Variants in TOX3 observed in about 807,000 individuals in gnomAD.
TOX3 encodes the protein TOX high mobility group box family member 3.
A neutral mutation model predicts 64.3 loss-of-function variants in TOX3; 22 were observed. The observed-to-expected ratio is 0.34, with a 90% CI of 0.24 to 0.49. The LOEUF (loss-of-function observed/expected upper bound fraction) is 0.49. Among genes scored for constraint, TOX3 ranks in the 20% least tolerant of loss-of-function variants. TOX3 has a pLI of 0.99. For missense variants in TOX3, 661 were observed against 714.4 expected (o/e 0.93, Z 0.85); for synonymous variants, 291 against 273.6 (o/e 1.06, Z -0.63).
intron 3 of TOX3, among the ~76,000 whole-genome samples, chr16:52,459,702 C>A (rs569129147): frequency 1.3e-5 from 2 of 152,184 alleles, no homozygotes; most frequent in Admixed American, 6.5e-5. Context: ...ATAGAATGTT[C>A]CATGCATTAA....
At chr16:52,470,021 A>C (rs2151760281) in intron 1 of TOX3, among the ~76,000 whole-genome samples, 1 of 152,346 alleles carries the variant, frequency 6.6e-6, no homozygotes, top group South Asian at 2.1e-4. Flanking sequence ...TATCTTTATA[A>C]GGATTTCTGA....
chr16:52,545,397 T>C (rs1270483262), intron 1 of TOX3, among the ~76,000 whole-genome samples: 1 of 152,132 alleles, frequency 6.6e-6, no homozygotes. Flanking sequence ...TTTTACAAAC[T>C]TCAGCACTAG....
intron 6 of TOX3, among the ~76,000 whole-genome samples, chr16:52,443,831 T>C (rs1396916093): frequency 6.6e-6 from 1 of 152,144 alleles, no homozygotes. Context: ...ATGAGGTTTA[T>C]TTATTTATAT....
intron 1 of TOX3, among the ~76,000 whole-genome samples, chr16:52,533,382 G>A (rs572354606): frequency 4.0e-4 from 61 of 152,300 alleles, no homozygotes; most frequent in African/African-American, 1.3e-3. Flanking sequence ...AGCATTTAAT[G>A]ACATCTTGAG....
At chr16:52,484,286 C>A (rs1961449305) in intron 1 of TOX3, among the ~76,000 whole-genome samples, 1 of 152,058 alleles carries the variant, frequency 6.6e-6, no homozygotes, top group Admixed American at 6.6e-5. Context: ...AATTCTGAAG[C>A]AGTTTGAATG....
chr16:52,535,879 G>A (rs927402483), intron 1 of TOX3, among the ~76,000 whole-genome samples: 5 of 152,160 alleles, frequency 3.3e-5, no homozygotes, highest in African/African-American at 1.2e-4. Context: ...AAAATAAAAT[G>A]TAAACTTAAA....
chr16:52,541,675 A>G (rs919165095), intron 1 of TOX3, among the ~76,000 whole-genome samples: 1 of 152,230 alleles, frequency 6.6e-6, no homozygotes, highest in Non-Finnish European at 1.5e-5. Flanking sequence ...ATATCGACAC[A>G]TACTTTGAAA....
intron 1 of TOX3, among the ~76,000 whole-genome samples, chr16:52,531,762 C>G (rs1263064517): frequency 6.6e-6 from 1 of 152,012 alleles, no homozygotes; most frequent in Non-Finnish European, 1.5e-5. Flanking sequence ...TCTAAGCTAT[C>G]CTTTAGAAGA....
intron 1 of TOX3, among the ~76,000 whole-genome samples, chr16:52,539,324 T>A (rs1963026983): frequency 6.6e-6 from 1 of 151,982 alleles, no homozygotes; most frequent in South Asian, 2.1e-4. Context: ...TTGTTTTTAA[T>A]GGTGCAGTAG....
chr16:52,465,306 G>C (rs1304050105), intron 2 of TOX3, among the ~76,000 whole-genome samples: 1 of 151,702 alleles, frequency 6.6e-6, no homozygotes, highest in African/African-American at 2.4e-5. Context: ...GAGCCACCGT[G>C]CCCAGCCAAT....
intron 1 of TOX3, among the ~76,000 whole-genome samples, chr16:52,537,913 A>G (rs1301678422): frequency 1.3e-5 from 2 of 150,422 alleles, no homozygotes; most frequent in Non-Finnish European, 2.9e-5. Flanking sequence ...AAGAAAAAGA[A>G]AAAAACAGAT....
chr16:52,521,487 C>A (rs1962607586), intron 1 of TOX3, among the ~76,000 whole-genome samples: 1 of 152,140 alleles, frequency 6.6e-6, no homozygotes, highest in Non-Finnish European at 1.5e-5. Context: ...CACAGGGGTC[C>A]AGGAAGTGCT....
chr16:52,511,977 T>C (rs898038799), intron 1 of TOX3, among the ~76,000 whole-genome samples: 3 of 152,154 alleles, frequency 2.0e-5, no homozygotes, highest in Non-Finnish European at 4.4e-5. Context: ...GAACTTGGAA[T>C]CAGAAATTCC....
At chr16:52,495,309 T>A (rs1167079946) in intron 1 of TOX3, among the ~76,000 whole-genome samples, 6 of 152,236 alleles carry the variant, frequency 3.9e-5, no homozygotes, top group African/African-American at 1.4e-4. Context: ...AAAATTAAAT[T>A]CATTTCGTCC....
intron 1 of TOX3, among the ~76,000 whole-genome samples, chr16:52,507,910 G>T (rs928758491): frequency 2.0e-5 from 3 of 152,152 alleles, no homozygotes; most frequent in Admixed American, 6.5e-5. Flanking sequence ...TCCCAGGAAG[G>T]AGTGAAGGTA....
At chr16:52,540,255 ACACACCTGTGGTCCCAGC>A (rs1371546404) in intron 1 of TOX3, among the ~76,000 whole-genome samples, 1 of 150,898 alleles carries the variant, frequency 6.6e-6, no homozygotes, top group East Asian at 2.0e-4. Context: ...CATAGCGAAC[ACACACCTGTGGTCCCAGC>A]TACTCAGGAG....
In TOX3 at chr16:52,546,945, G is replaced by A; in HGVS notation, c.-222C>T. ...GCCGCGGGAGAGCGGGAGGCGGCCG[G>A]GGGGACGCGCCCCGCCGGGGCACCG... On this transcript the variant is annotated 5_prime_UTR_variant, in exon 1 of 7. Transcript: ENST00000219746. 3.0e-6 allele frequency: 3 copies of A among 996,474 alleles called. No individual in the cohort carries two copies. The highest frequency in any genetic ancestry group is 3.6e-6 in the Non-Finnish European group (3 of 838,756). 61.7% of individuals were successfully genotyped at this position (996,474 alleles called of 1,614,324 possible).
intron 1 of TOX3, among the ~76,000 whole-genome samples, chr16:52,471,818 C>A (rs993927238): frequency 6.6e-6 from 1 of 152,160 alleles, no homozygotes; most frequent in African/African-American, 2.4e-5. Flanking sequence ...TCCCAACACC[C>A]AGTAAGATAA....
chr16:52,501,746 G>A (rs1277261540), intron 1 of TOX3, among the ~76,000 whole-genome samples: 1 of 151,638 alleles, frequency 6.6e-6, no homozygotes, highest in East Asian at 1.9e-4. Context: ...CACTCCCTGA[G>A]CTATGTGGAT....
Sources: gnomAD v4.1 joint callset for allele counts (sites outside exome capture counted in the v4.1 genomes callset) on GRCh38, gnomAD v4.1.1 for gene constraint, MANE v1.5 for transcripts, NCBI Gene and HGNC (gene_info 2026-07-23, HGNC 2026-07-21) for gene names.